The following MRTFB variants were observed in gnomAD, a reference collection of about 807,000 sequenced individuals.
MRTFB encodes the protein myocardin related transcription factor B.
Under a neutral mutation model 104.2 loss-of-function variants are expected in MRTFB, and 29 were observed. The observed-to-expected ratio is 0.28, with a 90% CI of 0.21 to 0.38. MRTFB has a LOEUF of 0.38. MRTFB is among the 10% of genes least tolerant of loss of function. The pLI is 1.00. For missense variants in MRTFB, 1,270 were observed against 1,341.6 expected, an observed-to-expected ratio of 0.95 and a Z score of 0.83; for synonymous variants, 535 against 519.5, an observed-to-expected ratio of 1.03 and a Z score of -0.41.
intron 6 of MRTFB, 26 bp downstream of exon 6, chr16:14,213,646 T>C: frequency 6.9e-7 from 1 of 1,456,802 alleles, no homozygotes; most frequent in Non-Finnish European, 9.3e-7. Flanking sequence ...CTTCTTAATC[T>C]GCTGTATTTT....
Position 14,217,239 on chromosome 16 carries a change from G to T in MRTFB, c.466G>T (p.Glu156Ter). ...AAGACCTGGTCCTATGGAGCTGGTAGAGAAAAACATCCTTCCTGTGGACTC... is the reference window on the plus strand; with the variant it reads ...AAGACCTGGTCCTATGGAGCTGGTATAGAAAAACATCCTTCCTGTGGACTC... ...AQRPGPMELV[E>*]KNILPVDSSV... is the part of the protein sequence containing the mutation. Residue 156 changes from glutamate (E) to a stop codon, truncating the protein, a stop_gained, in exon 7 of 17, where the codon GAG becomes TAG. Coordinates refer to ENST00000571589, the MANE Select transcript of MRTFB (RefSeq NM_001308142.2). LOFTEE classifies it high-confidence loss of function. The T allele has an allele frequency of 1.2e-6, 2 of 1,613,682 alleles. No individual in the cohort carries two copies. The highest frequency in any genetic ancestry group is 1.7e-6 in the Non-Finnish European group (2 of 1,179,832).
chr16:14,018,806 C>T, the MRTFB span: 1 of 151,918 alleles, frequency 6.6e-6, no homozygotes, highest in African/African-American at 2.4e-5. Context: ...ACCAAAGAAG[C>T]CACATATTTT....
intron 2 of MRTFB, among the ~76,000 whole-genome samples, chr16:14,107,005 A>G (rs1255870927): frequency 2.6e-5 from 4 of 152,204 alleles, no homozygotes; most frequent in Non-Finnish European, 5.9e-5. Flanking sequence ...GGCGTAGGTT[A>G]CCAGAGAGAA....
intron 8 of MRTFB, among the ~76,000 whole-genome samples, chr16:14,224,724 T>G (rs1168325685): frequency 6.6e-6 from 1 of 152,194 alleles, no homozygotes; most frequent in Non-Finnish European, 1.5e-5. Flanking sequence ...CTGAAAATTG[T>G]ATATCCAGCA....
chr16:14,106,556 G>A (rs1201668701), intron 2 of MRTFB, among the ~76,000 whole-genome samples: 1 of 152,144 alleles, frequency 6.6e-6, no homozygotes, highest in Non-Finnish European at 1.5e-5. Flanking sequence ...AAACCTCATG[G>A]GGTTGCTGTG....
At chr16:14,131,778 T>A (rs967403705) in intron 2 of MRTFB, among the ~76,000 whole-genome samples, 4 of 147,296 alleles carry the variant, frequency 2.7e-5, no homozygotes, top group Admixed American at 1.4e-4. Flanking sequence ...AACTATAATT[T>A]AAAAAAAAAA....
rs922967658 is a variant in MRTFB, at chr16:14,191,275, G to A, written c.155-18968G>A. The stretch of plus-strand genomic sequence containing the variant: ...GTGGCTAGTGGCTGCTGCAATGAAT[G>A]TTTCCATTTCTGCCCTCACAGAAAG... On this transcript the variant is annotated intron_variant, in intron 3 of 16. Transcript: ENST00000571589. Among the ~76,000 whole-genome samples, 4 of 152,312 alleles carry A rather than the reference G, an allele frequency of 2.6e-5. No individual in the cohort carries two copies. The South Asian group carries it at 8.3e-4, about 32-fold the overall frequency.
chr16:14,217,072 A>G, intron 6 of MRTFB, 54 bp from the exon 7 acceptor site: 1 of 1,515,610 alleles, frequency 6.6e-7, no homozygotes, highest in Non-Finnish European at 8.9e-7. Context: ...AAATAACATT[A>G]TGGAATAGAA....
intron 8 of MRTFB, among the ~76,000 whole-genome samples, chr16:14,224,019 G>A (rs191467557): frequency 3.2e-3 from 491 of 152,244 alleles, no homozygotes; most frequent in Middle Eastern, 6.8e-3. Context: ...GGCTGGGGAG[G>A]CCTCATGAAA....
the MRTFB span, among the ~76,000 whole-genome samples, chr16:14,016,695 C>T: frequency 6.8e-6 from 1 of 146,436 alleles, no homozygotes; most frequent in African/African-American, 2.5e-5. Flanking sequence ...ATGGCTTGAA[C>T]CCAGGAGGCG....
intron 3 of MRTFB, among the ~76,000 whole-genome samples, chr16:14,176,831 A>G (rs2039598698): frequency 6.6e-6 from 1 of 152,248 alleles, no homozygotes; most frequent in Non-Finnish European, 1.5e-5. Context: ...AACAGTAACA[A>G]CTAGCATCAT....
At chr16:14,107,518 CT>C (rs1567330159) in intron 2 of MRTFB, among the ~76,000 whole-genome samples, 2 of 152,116 alleles carry the variant, frequency 1.3e-5, no homozygotes, top group East Asian at 3.9e-4. Context: ...TTTAAGAACA[CT>C]AGGCATAGAA....
At chr16:14,063,865 C>T in the MRTFB span, among the ~76,000 whole-genome samples, 1 of 152,164 alleles carries the variant, frequency 6.6e-6, no homozygotes, top group African/African-American at 2.4e-5. Context: ...TTTTCTGTAT[C>T]CAGTATACTG....
At chr16:14,017,593 GTATATATATATATATATATA>G in the MRTFB span, among the ~76,000 whole-genome samples, 1,837 of 59,008 alleles carry the variant, frequency 0.031, 83 homozygotes, top group East Asian at 0.082. Context: ...ACTGACTACA[GTATATATATATATATATATA>G]TATATATATA....
At chr16:14,249,872 G>C (rs1250840977) in intron 13 of MRTFB, among the ~76,000 whole-genome samples, 1 of 152,206 alleles carries the variant, frequency 6.6e-6, no homozygotes, top group African/African-American at 2.4e-5. Flanking sequence ...TCTGCCTCAG[G>C]ATAGTGTGAA....
Position 14,122,132 on chromosome 16 carries a change from T to C in MRTFB, c.-63-18412T>C, listed in dbSNP as rs112309935. Among the ~76,000 whole-genome samples, 974 of 152,260 alleles carry C rather than the reference T, an allele frequency of 6.4e-3. 9 individuals carry two copies. The highest frequency in any genetic ancestry group is 0.022 in the African/African-American group (919 of 41,568). On this transcript the variant is annotated intron_variant, in intron 2 of 16. Coordinates refer to ENST00000571589, the MANE Select transcript of MRTFB (RefSeq NM_001308142.2). ...TCCCCGTTCTTTCTCTTGTTCTTTC[T>C]ATGTAAGTGTTATATATATACACAT...
chr16:14,024,603 G>A, the MRTFB span, among the ~76,000 whole-genome samples: 1 of 152,156 alleles, frequency 6.6e-6, no homozygotes, highest in Non-Finnish European at 1.5e-5. Context: ...AAGACATCAC[G>A]AAGAAGGATG....
chr16:14,191,360 C>G (rs1473428156), intron 3 of MRTFB, among the ~76,000 whole-genome samples: 1 of 152,202 alleles, frequency 6.6e-6, no homozygotes, highest in Admixed American at 6.5e-5. Context: ...GGCCCTGTCT[C>G]TTACAACCCA....
chr16:14,108,064 AG>A (rs989503657), intron 2 of MRTFB, among the ~76,000 whole-genome samples: 8 of 152,120 alleles, frequency 5.3e-5, no homozygotes, highest in African/African-American at 1.9e-4. Flanking sequence ...TGGTTCTTCC[AG>A]GGTTGGTGCT....
Sources: allele counts gnomAD v4.1 joint callset (sites outside exome capture counted in the v4.1 genomes callset), GRCh38; gene constraint gnomAD v4.1.1; transcripts MANE v1.5; gene names NCBI Gene and HGNC (gene_info 2026-07-23, HGNC 2026-07-21).